The following TMEM132D variants were observed in gnomAD, a reference collection of about 807,000 sequenced individuals.
TMEM132D encodes mature OL transmembrane protein.
A neutral mutation model predicts 62.3 loss-of-function variants in TMEM132D; 21 were observed. The ratio of observed to expected loss-of-function variants is 0.34; its 90% CI spans 0.24 to 0.49. The LOEUF is 0.49. Among genes scored for constraint, TMEM132D ranks in the 20% least tolerant of loss-of-function variants. TMEM132D has a pLI of 0.99. For missense variants in TMEM132D, 1,346 were observed against 1,402.8 expected (o/e 0.96, Z 0.65); for synonymous variants, 621 against 575.6 (o/e 1.08, Z -1.13).
At chr12:129,316,894 T>C (rs553569929) in intron 4 of TMEM132D, among the ~76,000 whole-genome samples, 38 of 152,342 alleles carry the variant, frequency 2.5e-4, no homozygotes, top group Non-Finnish European at 4.9e-4. Flanking sequence ...TTTACCATTA[T>C]ATAATTTCCC....
chr12:129,838,429 C>A (rs573176479), intron 1 of TMEM132D, among the ~76,000 whole-genome samples: 2 of 152,116 alleles, frequency 1.3e-5, no homozygotes, highest in Admixed American at 6.5e-5. Flanking sequence ...TCTGTCAGAG[C>A]GGCCAGTTCA....
intron 5 of TMEM132D, among the ~76,000 whole-genome samples, chr12:129,114,697 A>G (rs1161213088): frequency 6.6e-6 from 1 of 151,968 alleles, no homozygotes; most frequent in African/African-American, 2.4e-5. Flanking sequence ...CTTATCCTCT[A>G]AGTAAACTCT....
chr12:129,817,677 TG>T (rs1246188874), intron 1 of TMEM132D, among the ~76,000 whole-genome samples: 2 of 117,242 alleles, frequency 1.7e-5, no homozygotes, highest in Non-Finnish European at 3.5e-5. Context: ...GGGGTATGTG[TG>T]GGGGGTGTGT....
chr12:129,523,301 T>C (rs1394477741), intron 3 of TMEM132D, among the ~76,000 whole-genome samples: 2 of 152,236 alleles, frequency 1.3e-5, no homozygotes, highest in East Asian at 1.9e-4. Flanking sequence ...CAACATCTAG[T>C]GGCCTTCGTA....
intron 2 of TMEM132D, among the ~76,000 whole-genome samples, chr12:129,602,814 G>A (rs1464285276): frequency 6.6e-6 from 1 of 152,188 alleles, no homozygotes; most frequent in East Asian, 1.9e-4. Flanking sequence ...AATTTATAAA[G>A]TACAGAGGTT....
chr12:129,238,031 C>T (rs773658991), intron 4 of TMEM132D, among the ~76,000 whole-genome samples: 23 of 152,108 alleles, frequency 1.5e-4, no homozygotes, highest in Admixed American at 2.6e-4. Flanking sequence ...CCATCTCAGA[C>T]GAGTTTGTCA....
At chr12:129,611,345 C>T (rs1878769586) in intron 2 of TMEM132D, among the ~76,000 whole-genome samples, 1 of 152,174 alleles carries the variant, frequency 6.6e-6, no homozygotes, top group Non-Finnish European at 1.5e-5. Flanking sequence ...AGTTTGCATG[C>T]GGATTCTGTC....
chr12:129,271,620 C>G (rs1314901280), intron 4 of TMEM132D, among the ~76,000 whole-genome samples: 2 of 151,538 alleles, frequency 1.3e-5, no homozygotes, highest in African/African-American at 4.9e-5. Context: ...TCCATGTGTT[C>G]TCATTGTTCA....
intron 2 of TMEM132D, among the ~76,000 whole-genome samples, chr12:129,605,465 T>C (rs1301931251): frequency 6.6e-6 from 1 of 151,854 alleles, no homozygotes; most frequent in Non-Finnish European, 1.5e-5. Flanking sequence ...TCTGATCTTA[T>C]ATTCTCCTGA....
At chr12:129,453,727 C>A (rs942341394) in intron 3 of TMEM132D, among the ~76,000 whole-genome samples, 1 of 152,110 alleles carries the variant, frequency 6.6e-6, no homozygotes, top group African/African-American at 2.4e-5. Context: ...TTTGTTTGCT[C>A]CCTAACAGTT....
At chr12:129,646,548 C>T (rs1312708737) in intron 2 of TMEM132D, among the ~76,000 whole-genome samples, 1 of 152,086 alleles carries the variant, frequency 6.6e-6, no homozygotes, top group East Asian at 1.9e-4. Flanking sequence ...GTATAATGAA[C>T]ATTCATGTCC....
chr12:129,769,557 G>A (rs891081214), intron 1 of TMEM132D, among the ~76,000 whole-genome samples: 1 of 152,122 alleles, frequency 6.6e-6, no homozygotes, highest in Non-Finnish European at 1.5e-5. Context: ...ATGTCAGAAG[G>A]TCAGGCTTTC....
intron 4 of TMEM132D, among the ~76,000 whole-genome samples, chr12:129,329,227 T>C (rs1376991867): frequency 6.6e-6 from 1 of 151,944 alleles, no homozygotes; most frequent in Non-Finnish European, 1.5e-5. Flanking sequence ...GTAATTACTG[T>C]GAATGCTGTT....
chr12:129,817,451 ACCG>A (rs1872379214), intron 1 of TMEM132D, among the ~76,000 whole-genome samples: 1 of 135,374 alleles, frequency 7.4e-6, no homozygotes, highest in Non-Finnish European at 1.6e-5. Flanking sequence ...TGGGGCACCA[ACCG>A]CTCGCTCTCT....
intron 3 of TMEM132D, among the ~76,000 whole-genome samples, chr12:129,423,699 A>G (rs1006369650): frequency 6.6e-6 from 1 of 152,222 alleles, no homozygotes; most frequent in African/African-American, 2.4e-5. Context: ...TAATACGGAC[A>G]GACCCTTAGA....
chr12:129,549,851 G>T (rs973921405), intron 2 of TMEM132D, among the ~76,000 whole-genome samples: 2 of 152,170 alleles, frequency 1.3e-5, no homozygotes, highest in African/African-American at 4.8e-5. Context: ...TGCTCTGTTA[G>T]CTCATGCCCT....
At position 129,636,737 on chromosome 12, in the gene TMEM132D, T is replaced by TGTGTGTGTGTGTGA. The variant is rs375868329; in HGVS notation, c.968+63072_968+63073insTCACACACACACAC. Among the ~76,000 whole-genome samples the TGTGTGTGTGTGTGA allele has an allele frequency of 2.0e-3, 230 of 113,590 alleles. 1 individual carries two copies. Among genetic ancestry groups the TGTGTGTGTGTGTGA allele is most frequent in the Middle Eastern group, 5.2e-3 (1 of 194 alleles). The allele number at this position is 113,590 out of a possible 152,430, so 74.5% of individuals were successfully genotyped here. A position where few individuals can be genotyped will look rare whatever the true frequency, so the allele number is the denominator to read the frequency against. ...GTGTGTGTGTGTGTGTGTGTGTGTGTGAGAGAGAGAGAGAGAGAGACAGAG... is the reference window on the plus strand; with the variant it reads ...GTGTGTGTGTGTGTGTGTGTGTGTGTGTGTGTGTGTGTGAGAGAGAGAGAGAGAGAGAGACAGAG... On this transcript the variant is annotated intron_variant, in intron 2 of 8. Coordinates refer to ENST00000422113, the MANE Select transcript of TMEM132D (RefSeq NM_133448.3).
intron 5 of TMEM132D, among the ~76,000 whole-genome samples, chr12:129,146,684 A>T (rs1876908630): frequency 6.6e-6 from 1 of 152,178 alleles, no homozygotes; most frequent in Admixed American, 6.5e-5. Context: ...CATTTCCTGC[A>T]ATGCTCTTAC....
intron 5 of TMEM132D, among the ~76,000 whole-genome samples, chr12:129,105,467 G>T (rs201744067): frequency 1.4e-5 from 2 of 139,052 alleles, no homozygotes; most frequent in Non-Finnish European, 3.0e-5. Context: ...TGGGTGCAGC[G>T]CACCAGCATG....
Sources: gnomAD v4.1 joint callset for allele counts (sites outside exome capture counted in the v4.1 genomes callset) on GRCh38, gnomAD v4.1.1 for gene constraint, MANE v1.5 for transcripts, NCBI Gene and HGNC (gene_info 2026-07-23, HGNC 2026-07-21) for gene names.